The following RHBDD1 variants were observed in gnomAD, a reference collection of about 807,000 sequenced individuals.
RHBDD1 encodes rhomboid-related protein 4.
Under a neutral mutation model 36.3 loss-of-function variants are expected in RHBDD1, and 38 were observed. The observed-to-expected ratio is 1.05, with a 90% CI of 0.81 to 1.37. RHBDD1 has a LOEUF of 1.37. Among genes scored for constraint, RHBDD1 ranks in the 40% most tolerant of loss-of-function variants. The pLI, the probability that RHBDD1 is intolerant of heterozygous loss-of-function variation, is 0.00. For missense variants in RHBDD1, 393 were observed against 377.6 expected, an observed-to-expected ratio of 1.04 and a Z score of -0.34; for synonymous variants, 151 against 136.5, an observed-to-expected ratio of 1.11 and a Z score of -0.74.
chr2:226,892,887 G>T (rs1171634880), intron 5 of RHBDD1, among the ~76,000 whole-genome samples: 1 of 152,190 alleles, frequency 6.6e-6, no homozygotes, highest in Non-Finnish European at 1.5e-5. Context: ...GAGCAACGTT[G>T]CGTAATTTCT....
At chr2:226,817,162 G>A in the RHBDD1 span, among the ~76,000 whole-genome samples, 1,151 of 152,280 alleles carry the variant, frequency 7.6e-3, 5 homozygotes, top group Non-Finnish European at 0.013. Flanking sequence ...TATACGCCTA[G>A]TAATATGTTT....
At chr2:226,986,361 C>T (rs1371866639) in intron 8 of RHBDD1, among the ~76,000 whole-genome samples, 1 of 151,790 alleles carries the variant, frequency 6.6e-6, no homozygotes, top group African/African-American at 2.4e-5. Flanking sequence ...ATGTTGGTTT[C>T]TTAGTTTCGA....
chr2:226,992,558 A>G (rs1306026877), intron 8 of RHBDD1, among the ~76,000 whole-genome samples: 1 of 152,204 alleles, frequency 6.6e-6, no homozygotes, highest in East Asian at 1.9e-4. Flanking sequence ...AAGCCGAACC[A>G]TGCTAGTAGC....
intron 7 of RHBDD1, among the ~76,000 whole-genome samples, chr2:226,910,989 A>C (rs1948478042): frequency 6.6e-6 from 1 of 152,158 alleles, no homozygotes; most frequent in Non-Finnish European, 1.5e-5. Flanking sequence ...ACAAGTACCA[A>C]ATTTGTTTTT....
chr2:226,994,707 G>T (rs1959028066), intron 8 of RHBDD1, among the ~76,000 whole-genome samples: 1 of 152,130 alleles, frequency 6.6e-6, no homozygotes, highest in Non-Finnish European at 1.5e-5. Flanking sequence ...CAAGGACTAT[G>T]TATTTTTCTC....
At chr2:226,807,152 T>C in the RHBDD1 span, among the ~76,000 whole-genome samples, 2 of 152,358 alleles carry the variant, frequency 1.3e-5, no homozygotes, top group African/African-American at 4.8e-5. Context: ...TTTTAAAAAA[T>C]AGACATTTAT....
rs181592217 is a variant in RHBDD1 at position 226,949,736 on chromosome 2, C to T, written c.856+35385C>T. Among the ~76,000 whole-genome samples, 405 of 152,202 alleles carry T rather than the reference C, an allele frequency of 2.7e-3. 4 individuals are homozygous for T. In the South Asian group the frequency reaches 0.042, roughly 16 times the overall value. On this transcript the variant is annotated intron_variant, in intron 8 of 8. Transcript: ENST00000392062. ...TCTCCAGAGGCAGGAAGTTCAAGAT[C>T]AAGGTGCCGACAGGTTTGGCTTCTC...
intron 8 of RHBDD1, among the ~76,000 whole-genome samples, chr2:226,951,438 A>G (rs966780338): frequency 6.6e-6 from 1 of 152,208 alleles, no homozygotes; most frequent in African/African-American, 2.4e-5. Flanking sequence ...GTGAAATTAG[A>G]AAATTTAGCA....
intron 3 of RHBDD1, among the ~76,000 whole-genome samples, chr2:226,849,896 T>C (rs560085821): frequency 2.0e-5 from 3 of 152,342 alleles, no homozygotes; most frequent in South Asian, 2.1e-4. Context: ...TCTCTACATA[T>C]ATATGTGTAG....
intron 8 of RHBDD1, among the ~76,000 whole-genome samples, chr2:226,917,512 CCT>C (rs1307181832): frequency 6.6e-6 from 1 of 152,062 alleles, no homozygotes; most frequent in Non-Finnish European, 1.5e-5. Context: ...TTTGTTTCTA[CCT>C]CTGTCTAACT....
At chr2:226,902,597 TCTC>T (rs1207945530) in intron 5 of RHBDD1, among the ~76,000 whole-genome samples, 1 of 152,230 alleles carries the variant, frequency 6.6e-6, no homozygotes, top group Non-Finnish European at 1.5e-5. Context: ...TGAAATTCAT[TCTC>T]CTGTTTTTTT....
chr2:226,831,498 C>T (rs1940740274), upstream of RHBDD1, among the ~76,000 whole-genome samples: 1 of 152,120 alleles, frequency 6.6e-6, no homozygotes, highest in African/African-American at 2.4e-5. Flanking sequence ...GAGATGCAGG[C>T]AGAGACTGAA....
chr2:226,905,726 C>T (rs1948001313), intron 5 of RHBDD1, among the ~76,000 whole-genome samples: 1 of 152,156 alleles, frequency 6.6e-6, no homozygotes. Flanking sequence ...ATCTGGGGTT[C>T]ACTCTGTGCC....
upstream of RHBDD1, among the ~76,000 whole-genome samples, chr2:226,832,255 G>A (rs185438871): frequency 2.0e-5 from 3 of 152,218 alleles, no homozygotes; most frequent in East Asian, 3.9e-4. Context: ...CTTGGCCCAT[G>A]AGTAATCTAA....
At chr2:226,989,667 G>A (rs1957745097) in intron 8 of RHBDD1, among the ~76,000 whole-genome samples, 1 of 152,160 alleles carries the variant, frequency 6.6e-6, no homozygotes, top group Non-Finnish European at 1.5e-5. Context: ...TATATTGCAG[G>A]AAACACTGAC....
intron 6 of RHBDD1, 144 bp downstream of exon 6, chr2:226,907,025 A>G (rs576117797): frequency 1.2e-6 from 1 of 823,896 alleles, no homozygotes; most frequent in East Asian, 2.6e-5. Flanking sequence ...CCGAAAGGTA[A>G]AACAACCAGT....
At chr2:226,908,292 A>G (rs1404627592) in intron 6 of RHBDD1, 2 of 152,244 alleles carry the variant, frequency 1.3e-5, no homozygotes, top group African/African-American at 4.8e-5. Flanking sequence ...GCCTCCTGGA[A>G]GAGGAGGGTC....
intron 5 of RHBDD1, among the ~76,000 whole-genome samples, chr2:226,881,264 A>G (rs779522540): frequency 1.3e-5 from 2 of 152,240 alleles, no homozygotes; most frequent in Non-Finnish European, 2.9e-5. Context: ...CTTACAGTTC[A>G]AGATGAGATT....
At chr2:226,800,896 C>G in the RHBDD1 span, among the ~76,000 whole-genome samples, 1 of 152,348 alleles carries the variant, frequency 6.6e-6, no homozygotes, top group East Asian at 1.9e-4. Context: ...CAGCCTGGGT[C>G]TACTTGAAGC....
Sources: gnomAD v4.1 joint callset for allele counts (sites outside exome capture counted in the v4.1 genomes callset) on GRCh38, gnomAD v4.1.1 for gene constraint, MANE v1.5 for transcripts, NCBI Gene and HGNC (gene_info 2026-07-23, HGNC 2026-07-21) for gene names.